The following BCAR3 variants were observed in gnomAD, a reference collection of about 807,000 sequenced individuals.
The protein encoded by BCAR3 is BCAR3 adaptor protein, NSP family member, also known as breast cancer anti-estrogen resistance protein 3.
In BCAR3, 37 loss-of-function variants were observed where a neutral mutation model predicts 80.1. The observed-to-expected ratio is 0.46, with a 90% confidence interval of 0.36 to 0.61. The LOEUF is 0.61. BCAR3 is among the 20% of genes least tolerant of loss of function. BCAR3 has a pLI of 0.00. For missense variants in BCAR3, 978 were observed against 1,068.2 expected (o/e 0.92, Z 1.18); for synonymous variants, 389 against 418.9 (o/e 0.93, Z 0.87).
intron 2 of BCAR3, among the ~76,000 whole-genome samples, chr1:93,653,006 C>T (rs1267150659): frequency 6.6e-6 from 1 of 152,172 alleles, no homozygotes; most frequent in African/African-American, 2.4e-5. Flanking sequence ...AATTTCCTCC[C>T]TCTTAAAAGG....
chr1:93,670,597 A>G (rs1467381956), intron 2 of BCAR3, among the ~76,000 whole-genome samples: 2 of 152,160 alleles, frequency 1.3e-5, no homozygotes, highest in African/African-American at 2.4e-5. Flanking sequence ...TCAGTTATCC[A>G]TTAAGGTATG....
chr1:93,566,158 C>T (rs1672942817), intron 11 of BCAR3, among the ~76,000 whole-genome samples: 1 of 152,260 alleles, frequency 6.6e-6, no homozygotes, highest in Admixed American at 6.5e-5. Context: ...GTTGGCCATT[C>T]CTTAGGTCAT....
At chr1:93,761,149 G>A (rs973603194) in intron 2 of BCAR3, among the ~76,000 whole-genome samples, 4 of 152,170 alleles carry the variant, frequency 2.6e-5, no homozygotes, top group African/African-American at 9.7e-5. Flanking sequence ...TGCTGGGACA[G>A]AGCTGGTGGC....
At chr1:93,633,229 G>A (rs931915495) in intron 3 of BCAR3, among the ~76,000 whole-genome samples, 1 of 152,118 alleles carries the variant, frequency 6.6e-6, no homozygotes, top group Non-Finnish European at 1.5e-5. Flanking sequence ...CTGGCACAAT[G>A]CTAGGTACTG....
chr1:93,832,927 T>A (rs2100836716), intron 2 of BCAR3, among the ~76,000 whole-genome samples: 1 of 152,204 alleles, frequency 6.6e-6, no homozygotes, highest in South Asian at 2.1e-4. Context: ...CCTCTCCTTG[T>A]ATCTCCCCAC....
At chr1:93,604,767 G>C (rs1319310983) in intron 3 of BCAR3, among the ~76,000 whole-genome samples, 1 of 152,176 alleles carries the variant, frequency 6.6e-6, no homozygotes, top group Non-Finnish European at 1.5e-5. Context: ...ATTTTGTTCT[G>C]AAAACTTCGG....
intron 3 of BCAR3, among the ~76,000 whole-genome samples, chr1:93,622,929 G>A (rs896222081): frequency 6.6e-6 from 1 of 152,180 alleles, no homozygotes. Context: ...ACTAGGGAGA[G>A]CAGCAGAAAC....
intron 2 of BCAR3, among the ~76,000 whole-genome samples, chr1:93,740,128 G>A (rs537052829): frequency 6.6e-6 from 1 of 152,172 alleles, no homozygotes; most frequent in East Asian, 1.9e-4. Flanking sequence ...CAACAGGAAG[G>A]CATTTTCATC....
rs142683903 is a variant in BCAR3, at chr1:93,739,318, A to C, written c.-62-33176T>G. 2.5e-3 allele frequency among the ~76,000 whole-genome samples: 379 copies of C among 152,310 alleles called. 4 individuals carry two copies. The highest frequency in any genetic ancestry group is 8.7e-3 in the African/African-American group (361 of 41,562). ...TCAAGGATGGGTGAAAATTAGGGTT[A>C]AGTAGTGATTAGAATCAGTTAAGTG... On this transcript the variant is annotated intron_variant, in intron 2 of 13. Coordinates refer to the BCAR3 transcript ENST00000370244.
At chr1:93,740,908 G>A (rs960972538) in intron 2 of BCAR3, among the ~76,000 whole-genome samples, 9 of 152,206 alleles carry the variant, frequency 5.9e-5, no homozygotes, top group African/African-American at 2.2e-4. Flanking sequence ...CCAGCTGACA[G>A]CCTTGTGTTC....
In BCAR3 at chr1:93,573,639, T is replaced by TATTATTATTATTATTA. The variant is rs373537051; in HGVS notation, c.1803-1799_1803-1798insTAATAATAATAATAAT. Among the ~76,000 whole-genome samples, 710 of 139,040 alleles carry TATTATTATTATTATTA rather than the reference T, an allele frequency of 5.1e-3. 9 individuals carry two copies. The highest frequency in any genetic ancestry group is 0.018 in the African/African-American group (669 of 37,562). 91.2% of individuals were successfully genotyped at this position (139,040 alleles called of 152,430 possible). A position where few individuals can be genotyped will look rare whatever the true frequency, so the allele number is the denominator to read the frequency against. On this transcript the variant is annotated intron_variant, in intron 8 of 11. Transcript: ENST00000260502. The stretch of plus-strand genomic sequence containing the variant: ...TATTATTATTATTATTATTATTTTT[T>TATTATTATTATTATTA]TTTTTTTGAGACAGGGTTTTGCTCT...
intron 2 of BCAR3, chr1:93,753,270 C>T (rs1174304807): frequency 6.6e-6 from 1 of 152,184 alleles, no homozygotes; most frequent in Admixed American, 6.5e-5. Context: ...GTATTCCACT[C>T]AAGCTGTGTT....
chr1:93,738,464 G>T (rs1418869290), intron 2 of BCAR3, among the ~76,000 whole-genome samples: 1 of 152,216 alleles, frequency 6.6e-6, no homozygotes, highest in African/African-American at 2.4e-5. Flanking sequence ...CTTGTGCTCC[G>T]CCCTCCCCCG....
At chr1:93,731,207 A>T (rs939922816) in intron 2 of BCAR3, among the ~76,000 whole-genome samples, 5 of 152,230 alleles carry the variant, frequency 3.3e-5, no homozygotes, top group South Asian at 2.1e-4. Context: ...GGTATCCTGG[A>T]TGGGATTCTG....
At chr1:93,738,044 G>T (rs1651044751) in intron 2 of BCAR3, among the ~76,000 whole-genome samples, 1 of 152,024 alleles carries the variant, frequency 6.6e-6, no homozygotes, top group Non-Finnish European at 1.5e-5. Flanking sequence ...TTGCTGCCTT[G>T]GCTGATCTTG....
Position 93,760,240 on chromosome 1 carries a change from G to A in BCAR3, c.-62-54098C>T, listed in dbSNP as rs998141053. Reference sequence around the variant, plus strand: ...GTCATCTAAGAGACAAATAGGGGAAGGGAGGGTTGAAAAGAAAGATTAGAA... The same window carrying A: ...GTCATCTAAGAGACAAATAGGGGAAAGGAGGGTTGAAAAGAAAGATTAGAA... On this transcript the variant is annotated intron_variant, in intron 2 of 13. Coordinates refer to the BCAR3 transcript ENST00000370244. Among the ~76,000 whole-genome samples, 5 of 152,266 alleles carry A rather than the reference G, an allele frequency of 3.3e-5. 1 individual carries two copies. In the South Asian group the frequency reaches 1.0e-3, roughly 32 times the overall value.
intron 2 of BCAR3, among the ~76,000 whole-genome samples, chr1:93,765,154 C>T (rs934902262): frequency 1.3e-5 from 2 of 152,172 alleles, no homozygotes; most frequent in Non-Finnish European, 2.9e-5. Context: ...AATTAAGGAC[C>T]AAGTGGTTTA....
Position 93,785,954 on chromosome 1 carries a change from G to A in BCAR3, c.-63+59613C>T, listed in dbSNP as rs1346501637. On this transcript the variant is annotated intron_variant, in intron 2 of 13. Transcript: ENST00000370244. ...CACGCCTGTAATCCCAGCACTTTGG[G>A]AGGCCGAGGCGGGCGGATCATGAGG... 4.3e-5 allele frequency among the ~76,000 whole-genome samples: 5 copies of A among 115,466 alleles called. 1 individual carries two copies. The highest frequency in any genetic ancestry group is 6.0e-4 in the East Asian group (2 of 3,334). 75.8% of individuals were successfully genotyped at this position (115,466 alleles called of 152,430 possible). A position where few individuals can be genotyped will look rare whatever the true frequency, so the allele number is the denominator to read the frequency against.
intron 3 of BCAR3, among the ~76,000 whole-genome samples, chr1:93,593,943 T>G (rs1674315927): frequency 6.6e-6 from 1 of 152,160 alleles, no homozygotes; most frequent in Non-Finnish European, 1.5e-5. Context: ...AAGGATGGAA[T>G]TTGCATCAAA....
Sources: allele counts gnomAD v4.1 joint callset (sites outside exome capture counted in the v4.1 genomes callset), GRCh38; gene constraint gnomAD v4.1.1; transcripts MANE v1.5; gene names NCBI Gene and HGNC (gene_info 2026-07-23, HGNC 2026-07-21).